Variants in CDCA7L observed in about 807,000 individuals in gnomAD.
CDCA7L encodes the protein cell division cycle-associated 7-like protein.
CDCA7L carries 44 observed loss-of-function variants against 57.4 expected under a neutral mutation model. That is an observed-to-expected ratio of 0.77 (90% CI 0.60 to 0.98). The LOEUF is 0.98. CDCA7L is among the 50% of genes least tolerant of loss of function. CDCA7L has a pLI of 0.00. For missense variants in CDCA7L, 644 were observed against 580.6 expected (o/e 1.11, Z -1.12); for synonymous variants, 236 against 202.8 (o/e 1.16, Z -1.39).
intron 1 of CDCA7L, among the ~76,000 whole-genome samples, chr7:21,931,599 A>G (rs1057223300): frequency 1.3e-5 from 2 of 152,248 alleles, no homozygotes; most frequent in African/African-American, 4.8e-5. Context: ...AAAAACTCTC[A>G]GTAAACGAGG....
At chr7:21,929,507 C>A (rs9655217) in intron 1 of CDCA7L, among the ~76,000 whole-genome samples, 1 of 151,522 alleles carries the variant, frequency 6.6e-6, no homozygotes, top group East Asian at 1.9e-4. Context: ...AGACACAGAC[C>A]GGCAAATTGG....
intron 1 of CDCA7L, among the ~76,000 whole-genome samples, chr7:21,938,584 A>G (rs935283569): frequency 2.0e-4 from 31 of 152,238 alleles, no homozygotes; most frequent in Non-Finnish European, 3.5e-4. Context: ...CAGGGACTGA[A>G]GCAGATATTT....
At chr7:21,914,694 T>A (rs1785428458) in intron 2 of CDCA7L, among the ~76,000 whole-genome samples, 1 of 152,174 alleles carries the variant, frequency 6.6e-6, no homozygotes, top group African/African-American at 2.4e-5. Context: ...ATTTGGAACA[T>A]CCCAGCTTGG....
At position 21,900,982 on chromosome 7, in the gene CDCA7L, T is replaced by A; in HGVS notation, c.*1340A>T. On this transcript the variant is annotated 3_prime_UTR_variant, in exon 10 of 10. Transcript: ENST00000406877. ...CATTAGTAGCAAGCTGCCACACAATTGCAACCGCTGTGTTTTTGCCATAGG... is the reference window on the plus strand; with the variant it reads ...CATTAGTAGCAAGCTGCCACACAATAGCAACCGCTGTGTTTTTGCCATAGG... 6.5e-7 allele frequency: 1 copy of A among 1,548,094 alleles called. No homozygotes were observed. Among genetic ancestry groups the A allele is most frequent in the Non-Finnish European group, 8.7e-7 (1 of 1,147,770 alleles).
intron 1 of CDCA7L, among the ~76,000 whole-genome samples, chr7:21,924,152 G>A (rs1312284617): frequency 1.3e-5 from 2 of 151,800 alleles, no homozygotes; most frequent in Non-Finnish European, 2.9e-5. Context: ...CATCCTTCCT[G>A]GATTAAAAAA....
intron 1 of CDCA7L, among the ~76,000 whole-genome samples, chr7:21,936,002 C>T (rs998333330): frequency 7.3e-5 from 11 of 151,050 alleles, no homozygotes; most frequent in East Asian, 1.9e-4. Context: ...AGCAAGACTC[C>T]GTCTCAAAAT....
chr7:21,943,099 T>A (rs1051291131), intron 1 of CDCA7L, among the ~76,000 whole-genome samples: 1 of 152,200 alleles, frequency 6.6e-6, no homozygotes, highest in Admixed American at 6.5e-5. Flanking sequence ...GGAGCTCCCA[T>A]GAGCTGCACT....
chr7:21,943,327 T>A (rs942632768), intron 1 of CDCA7L, among the ~76,000 whole-genome samples: 2 of 152,234 alleles, frequency 1.3e-5, no homozygotes, highest in African/African-American at 4.8e-5. Flanking sequence ...GTTTGCTTCT[T>A]ACTCATAACA....
At chr7:21,927,336 A>G (rs1204763162) in intron 1 of CDCA7L, among the ~76,000 whole-genome samples, 2 of 152,340 alleles carry the variant, frequency 1.3e-5, no homozygotes, top group East Asian at 3.9e-4. Context: ...AAGGACTCCA[A>G]CAGAAATTAT....
In CDCA7L at chr7:21,902,211, G is replaced by C; in HGVS notation, c.*111C>G. Reference sequence around the variant, plus strand: ...AACAAAAAATAGTAATTTCTACAAAGAATTTCTGTATAAAAACACAACTGT... The same window carrying C: ...AACAAAAAATAGTAATTTCTACAAACAATTTCTGTATAAAAACACAACTGT... On this transcript the variant is annotated 3_prime_UTR_variant, in exon 10 of 10. Coordinates refer to ENST00000406877, the MANE Select transcript of CDCA7L (RefSeq NM_018719.5). The C allele has an allele frequency of 9.8e-7, 1 of 1,015,670 alleles. No individual in the cohort carries two copies. Among genetic ancestry groups the C allele is most frequent in the Non-Finnish European group, 1.5e-6 (1 of 650,510 alleles). The allele number at this position is 1,015,670 out of a possible 1,614,324, so 62.9% of individuals were successfully genotyped here.
rs1333079098 is a variant in CDCA7L at position 21,908,197 on chromosome 7, T to C, written c.614A>G (p.Asp205Gly). Residue 205 changes from aspartate to glycine, a missense_variant, in exon 4 of 10, where the codon GAT (aspartate) becomes GGT (glycine). Asp to Gly is a moderately conservative substitution (Grantham distance 94). Coordinates refer to ENST00000406877, the MANE Select transcript of CDCA7L (RefSeq NM_018719.5). ...AGCATCTGAACTCTCCTGGCTCTCA[T>C]CCCGAGAGTCATCCTCAGACTCAGA... The part of the protein sequence containing the change: ...STSESEDDSR[D>G]ESQESSDALL... 1.9e-6 allele frequency: 3 copies of C among 1,609,816 alleles called. No individual in the cohort carries two copies. Among genetic ancestry groups the C allele is most frequent in the Non-Finnish European group, 2.5e-6 (3 of 1,179,072 alleles).
intron 1 of CDCA7L, among the ~76,000 whole-genome samples, chr7:21,936,758 G>C (rs1217206583): frequency 6.6e-6 from 1 of 152,204 alleles, no homozygotes; most frequent in African/African-American, 2.4e-5. Context: ...TCAGGAGCTA[G>C]ACAAATATGC....
chr7:21,921,342 C>CAAAA (rs5882833), intron 1 of CDCA7L, among the ~76,000 whole-genome samples: 19,467 of 121,734 alleles, frequency 0.16, 1,893 homozygotes, highest in Non-Finnish European at 0.18. Flanking sequence ...CAAGATTTGC[C>CAAAA]AAAAAAAAAA....
chr7:21,926,432 T>A (rs929151405), intron 1 of CDCA7L, among the ~76,000 whole-genome samples: 1 of 152,318 alleles, frequency 6.6e-6, no homozygotes, highest in Admixed American at 6.5e-5. Flanking sequence ...TATAAAGATT[T>A]CTTACAACTC....
At position 21,902,275 on chromosome 7, in the gene CDCA7L, TGTTGGAGTACTCTA is replaced by T; in HGVS notation, c.*33_*46del. On this transcript the variant is annotated 3_prime_UTR_variant, in exon 10 of 10. Coordinates refer to ENST00000406877, the MANE Select transcript of CDCA7L (RefSeq NM_018719.5). ...TTAGGCACCAATGGTATGCATGTCT[TGTTGGAGTACTCTA>T]TGGTGAGGTGGCTGGTTCTGTTTGT... 1.3e-6 allele frequency: 2 copies of T among 1,551,998 alleles called. No homozygotes were observed. Among genetic ancestry groups the T allele is most frequent in the Non-Finnish European group, 1.8e-6 (2 of 1,123,890 alleles).
At chr7:21,910,710 G>A (rs920514735) in intron 3 of CDCA7L, among the ~76,000 whole-genome samples, 3 of 152,210 alleles carry the variant, frequency 2.0e-5, no homozygotes, top group African/African-American at 4.8e-5. Context: ...CAGTAAACTA[G>A]CCTAACTGTG....
At chr7:21,938,312 A>G (rs143266271) in intron 1 of CDCA7L, among the ~76,000 whole-genome samples, 1 of 152,266 alleles carries the variant, frequency 6.6e-6, no homozygotes, top group East Asian at 1.9e-4. Context: ...AACATCACTA[A>G]TCATTGGGGA....
chr7:21,909,414 G>A (rs911600584), intron 3 of CDCA7L, among the ~76,000 whole-genome samples: 11 of 152,088 alleles, frequency 7.2e-5, no homozygotes, highest in South Asian at 2.1e-4. Context: ...CCAAGAACAC[G>A]GAATGGCACC....
At position 21,945,893 on chromosome 7, in the gene CDCA7L, C is replaced by G. The variant is rs1705826232; in HGVS notation, c.-89G>C. ...CCCGGCGCACCAAGAACGCCCCGCG[C>G]CCGAGCAGCTAGCGCGCTCCGCCCG... On this transcript the variant is annotated 5_prime_UTR_variant, in exon 1 of 10. Coordinates refer to ENST00000406877, the MANE Select transcript of CDCA7L (RefSeq NM_018719.5). 1.4e-6 allele frequency: 2 copies of G among 1,424,346 alleles called. No homozygotes were observed. The highest frequency in any genetic ancestry group is 3.0e-5 in the African/African-American group (2 of 66,728). 88.2% of individuals were successfully genotyped at this position (1,424,346 alleles called of 1,614,324 possible). A position where few individuals can be genotyped will look rare whatever the true frequency, so the allele number is the denominator to read the frequency against.
Sources: gnomAD v4.1 joint callset for allele counts (sites outside exome capture counted in the v4.1 genomes callset) on GRCh38, gnomAD v4.1.1 for gene constraint, MANE v1.5 for transcripts, NCBI Gene and HGNC (gene_info 2026-07-23, HGNC 2026-07-21) for gene names.